The following PCDH11X variants were observed in gnomAD, a reference collection of about 807,000 sequenced individuals.
The protein encoded by PCDH11X is protocadherin-11 X-linked.
Under a neutral mutation model 53.3 loss-of-function variants are expected in PCDH11X, and 18 were observed. The ratio of observed to expected loss-of-function variants is 0.34; its 90% CI spans 0.23 to 0.50. The LOEUF (loss-of-function observed/expected upper bound fraction) is 0.50, where lower values mean the gene tolerates loss of function less well. Among genes scored for constraint, PCDH11X ranks in the 20% least tolerant of loss-of-function variants. PCDH11X has a pLI of 0.98. For synonymous variants in PCDH11X, 279 were observed against 393.3 expected (o/e 0.71, Z 3.44); for missense variants, 570 against 1,032.4 (o/e 0.55, Z 6.14).
chrX:92,547,720 T>G lies in PCDH11X; in HGVS notation c.3368-70544T>G, dbSNP rs750560499. 1.7e-4 allele frequency among the ~76,000 whole-genome samples: 19 copies of G among 110,973 alleles called. 1 individual carries two copies. In the South Asian group the frequency reaches 5.7e-3, roughly 33 times the overall value. On this transcript the variant is annotated intron_variant, in intron 10 of 10. Coordinates refer to ENST00000682573, the MANE Select transcript of PCDH11X (RefSeq NM_032968.5). ...ATTTTTTTCTAATGGGCTTTTTCTT[T>G]TCTTTATTTTTTTATTTTTTTATTT...
At chrX:91,966,324 G>A in intron 6 of PCDH11X, among the ~76,000 whole-genome samples, 1 of 111,178 alleles carries the variant, frequency 9.0e-6, no homozygotes, top group East Asian at 2.8e-4. Context: ...TCAAGAGAAA[G>A]AATATTTGAT....
At chrX:91,872,302 T>C (rs1460801074) in intron 5 of PCDH11X, among the ~76,000 whole-genome samples, 1 of 99,982 alleles carries the variant, frequency 1.0e-5, no homozygotes, top group Admixed American at 1.1e-4. Context: ...GAAATTGTTT[T>C]CTGGACAGTT....
At chrX:91,808,724 T>C (rs1436408785) in intron 1 of PCDH11X, among the ~76,000 whole-genome samples, 1 of 109,902 alleles carries the variant, frequency 9.1e-6, no homozygotes, top group Non-Finnish European at 1.9e-5. Context: ...ATTTAGGTTA[T>C]CTGGCACTGC....
In PCDH11X at chrX:91,822,868, G is replaced by A. The variant is rs1263059911; in HGVS notation, c.-45+11573G>A. Among the ~76,000 whole-genome samples, 5 of 111,337 alleles carry A rather than the reference G, an allele frequency of 4.5e-5. No homozygotes were observed. The East Asian group carries it at 8.6e-4, about 19-fold the overall frequency. ...GAATGCATCCCAGAGATTCTGGTAC[G>A]TTGTGTCTTTGTTCTCATTGGTTTC... On this transcript the variant is annotated intron_variant, in intron 4 of 10. Coordinates refer to ENST00000682573, the MANE Select transcript of PCDH11X (RefSeq NM_032968.5).
rs775473935 is a variant in PCDH11X, at chrX:91,961,919, C to T, written c.3033+82646C>T. 2.7e-5 allele frequency among the ~76,000 whole-genome samples: 3 copies of T among 110,896 alleles called. No individual in the cohort carries two copies. The Admixed American group carries it at 2.9e-4, about 11-fold the overall frequency. On this transcript the variant is annotated intron_variant, in intron 6 of 10. Coordinates refer to ENST00000682573, the MANE Select transcript of PCDH11X (RefSeq NM_032968.5). ...GGGGGAAAAGCCCTTATAAAACCATCAGATCTCGTGAGAACTCACTCACTA... is the reference window on the plus strand; with the variant it reads ...GGGGGAAAAGCCCTTATAAAACCATTAGATCTCGTGAGAACTCACTCACTA...
intron 1 of PCDH11X, among the ~76,000 whole-genome samples, chrX:91,783,479 AT>A (rs754038590): frequency 8.5e-5 from 9 of 106,173 alleles, no homozygotes; most frequent in South Asian, 8.0e-4. Context: ...TCAAAACTTT[AT>A]TTTTTTTTTT....
At chrX:92,554,503 G>T (rs975750979) in intron 10 of PCDH11X, among the ~76,000 whole-genome samples, 1 of 110,219 alleles carries the variant, frequency 9.1e-6, no homozygotes, top group Non-Finnish European at 1.9e-5. Flanking sequence ...GAATCAGAGG[G>T]ACTTTATTAA....
intron 10 of PCDH11X, among the ~76,000 whole-genome samples, chrX:92,604,321 T>C (rs1218885779): frequency 8.2e-5 from 9 of 109,854 alleles, no homozygotes; most frequent in Admixed American, 7.9e-4. Flanking sequence ...ATAGTAAATA[T>C]AGGTATATAG....
At chrX:92,534,397 G>A (rs780728662) in intron 10 of PCDH11X, among the ~76,000 whole-genome samples, 309 of 111,254 alleles carry the variant, frequency 2.8e-3, no homozygotes, top group African/African-American at 9.3e-3. Context: ...AAGACATATG[G>A]GACTATGTGA....
At chrX:91,962,000 T>C (rs1273238938) in intron 6 of PCDH11X, among the ~76,000 whole-genome samples, 1 of 108,298 alleles carries the variant, frequency 9.2e-6, no homozygotes, top group Non-Finnish European at 1.9e-5. Flanking sequence ...TCCCACCAGG[T>C]CTCTCCCATG....
chrX:91,943,554 T>A (rs1350032313), intron 6 of PCDH11X, among the ~76,000 whole-genome samples: 1 of 107,883 alleles, frequency 9.3e-6, no homozygotes, highest in Non-Finnish European at 1.9e-5. Context: ...CCGGTCCTTA[T>A]AAAAATTCTT....
intron 9 of PCDH11X, among the ~76,000 whole-genome samples, chrX:92,439,455 G>A (rs1174239437): frequency 9.0e-6 from 1 of 110,841 alleles, no homozygotes; most frequent in African/African-American, 3.3e-5. Flanking sequence ...CAAACCATGC[G>A]GCTATTCTGG....
intron 6 of PCDH11X, among the ~76,000 whole-genome samples, chrX:91,925,389 T>TA (rs937013576): frequency 8.1e-5 from 9 of 110,463 alleles, no homozygotes; most frequent in South Asian, 3.8e-4. Context: ...CATTGTAAAG[T>TA]AAAAAAAAAT....
chrX:92,066,872 G>A (rs1360316563), intron 6 of PCDH11X, among the ~76,000 whole-genome samples: 2 of 112,234 alleles, frequency 1.8e-5, no homozygotes, highest in Non-Finnish European at 3.8e-5. Context: ...GGGAGGCCAA[G>A]GTGAGCAGAT....
intron 10 of PCDH11X, among the ~76,000 whole-genome samples, chrX:92,603,616 CAA>C (rs1371855354): frequency 3.9e-5 from 4 of 101,879 alleles, no homozygotes; most frequent in Non-Finnish European, 8.0e-5. Flanking sequence ...AGTGAAATAA[CAA>C]AGAGTCGTAA....
At chrX:91,800,546 A>G (rs969718027) in intron 1 of PCDH11X, among the ~76,000 whole-genome samples, 12 of 108,288 alleles carry the variant, frequency 1.1e-4, no homozygotes, top group African/African-American at 3.7e-4. Context: ...AACTATGGAT[A>G]TTTTTTCTTA....
At chrX:91,994,562 G>T (rs1340540825) in intron 6 of PCDH11X, among the ~76,000 whole-genome samples, 1 of 94,475 alleles carries the variant, frequency 1.1e-5, no homozygotes, top group Non-Finnish European at 2.1e-5. Flanking sequence ...GGACACTTAG[G>T]TTGCTTCCAT....
chrX:92,125,404 CTA>C (rs2064842757), intron 6 of PCDH11X, among the ~76,000 whole-genome samples: 1 of 111,867 alleles, frequency 8.9e-6, no homozygotes, highest in Non-Finnish European at 1.9e-5. Context: ...TACACAAGGT[CTA>C]ACTAAAAGTA....
chrX:92,438,695 G>T lies in PCDH11X; in HGVS notation c.3344-29604G>T, dbSNP rs180809765. 1.7e-4 allele frequency among the ~76,000 whole-genome samples: 19 copies of T among 111,344 alleles called. No individual in the cohort carries two copies. The East Asian group carries it at 3.7e-3, about 22-fold the overall frequency. ...CACAGAGAAGGAGTTGAACCAGCAGGTCTTGCTAAGTTTCCTTCAGTCACC... is the reference window on the plus strand; with the variant it reads ...CACAGAGAAGGAGTTGAACCAGCAGTTCTTGCTAAGTTTCCTTCAGTCACC... On this transcript the variant is annotated intron_variant, in intron 9 of 10. Coordinates refer to ENST00000682573, the MANE Select transcript of PCDH11X (RefSeq NM_032968.5).
Sources: gnomAD v4.1 joint callset for allele counts (sites outside exome capture counted in the v4.1 genomes callset) on GRCh38, gnomAD v4.1.1 for gene constraint, MANE v1.5 for transcripts, NCBI Gene and HGNC (gene_info 2026-07-23, HGNC 2026-07-21) for gene names.